Variants in CYRIB observed in about 807,000 individuals in gnomAD.
The protein encoded by CYRIB is CYFIP-related Rac1 interactor B.
Under a neutral mutation model 44.2 loss-of-function variants are expected in CYRIB, and 8 were observed. The observed-to-expected ratio is 0.18, with a 90% CI of 0.11 to 0.33. The LOEUF (loss-of-function observed/expected upper bound fraction) is 0.33. Ranked by LOEUF, CYRIB falls within the 10% of genes least tolerant of loss-of-function variation. The pLI, the probability that CYRIB is intolerant of heterozygous loss-of-function variation, is 1.00. For synonymous variants in CYRIB, 131 were observed against 127.2 expected (o/e 1.03, Z -0.20); for missense variants, 185 against 382.8 (o/e 0.48, Z 4.31).
intron 6 of CYRIB, among the ~76,000 whole-genome samples, chr8:129,855,407 G>A (rs1295985333): frequency 6.7e-6 from 1 of 148,426 alleles, no homozygotes; most frequent in Non-Finnish European, 1.5e-5. Context: ...AAAAAAAAAA[G>A]ATTGAGACCG....
chr8:129,852,116 A>G (rs1389005663), intron 8 of CYRIB, 46 bp downstream of exon 10: 2 of 1,184,044 alleles, frequency 1.7e-6, no homozygotes, highest in Non-Finnish European at 2.3e-6. Context: ...GTCTGCCAAC[A>G]GGGGCATAAA....
intron 1 of CYRIB, among the ~76,000 whole-genome samples, chr8:130,000,771 C>T (rs2096889897): frequency 6.6e-6 from 1 of 152,136 alleles, no homozygotes; most frequent in Admixed American, 6.5e-5. Context: ...AGTCCCAGCC[C>T]TTTGGGAGGC....
chr8:129,862,728 T>C (rs2050543621), intron 4 of CYRIB, among the ~76,000 whole-genome samples: 1 of 152,188 alleles, frequency 6.6e-6, no homozygotes, highest in Non-Finnish European at 1.5e-5. Context: ...CACCTTGGCC[T>C]CCCAAAGTGC....
At position 129,913,332 on chromosome 8, in the gene CYRIB, C is replaced by T. The variant is rs906804803; in HGVS notation, c.-49-9982G>A. ...CTCTTGAGATAAACCTTGTCTTTCC[C>T]CACAGTGTTGTAATTACAGTAAAAG... On this transcript the variant is annotated intron_variant, in intron 1 of 11. Coordinates refer to ENST00000519824, the Ensembl canonical transcript of CYRIB. 2.0e-5 allele frequency among the ~76,000 whole-genome samples: 3 copies of T among 152,160 alleles called. No individual in the cohort carries two copies. In the East Asian group the frequency reaches 5.8e-4, roughly 29 times the overall value.
At chr8:129,889,491 T>C (rs1275840173) in intron 2 of CYRIB, among the ~76,000 whole-genome samples, 2 of 152,288 alleles carry the variant, frequency 1.3e-5, no homozygotes, top group African/African-American at 2.4e-5. Flanking sequence ...AGAAAGTAAA[T>C]TGAAAGCCTT....
intron 1 of CYRIB, among the ~76,000 whole-genome samples, chr8:129,925,289 T>C (rs1162964942): frequency 6.6e-6 from 1 of 152,072 alleles, no homozygotes; most frequent in Admixed American, 6.6e-5. Context: ...TCTCAGCCAC[T>C]CAGGAGGCTG....
intron 2 of CYRIB, among the ~76,000 whole-genome samples, chr8:129,889,054 T>A (rs138130177): frequency 2.2e-3 from 338 of 152,176 alleles, no homozygotes; most frequent in African/African-American, 7.8e-3. Context: ...ATCGCACCAC[T>A]GCACTCCATG....
chr8:129,873,135 A>C (rs2057939540), intron 3 of CYRIB, among the ~76,000 whole-genome samples: 1 of 151,994 alleles, frequency 6.6e-6, no homozygotes, highest in Non-Finnish European at 1.5e-5. Flanking sequence ...ATGTAAAGTC[A>C]ACTTAAGAAT....
chr8:129,984,766 T>G (rs865774355), intron 1 of CYRIB, among the ~76,000 whole-genome samples: 9 of 151,084 alleles, frequency 6.0e-5, no homozygotes, highest in Middle Eastern at 3.4e-3. Context: ...GTGGTGGGGG[T>G]TTTTTTTGTT....
At chr8:129,992,002 G>A (rs145111292) in intron 1 of CYRIB, among the ~76,000 whole-genome samples, 1 of 130,064 alleles carries the variant, frequency 7.7e-6, no homozygotes, top group Non-Finnish European at 1.6e-5. Context: ...GTTTTAAGCA[G>A]AGGTGTGGTA....
At chr8:129,878,142 C>T (rs2059777421) in intron 3 of CYRIB, among the ~76,000 whole-genome samples, 1 of 152,150 alleles carries the variant, frequency 6.6e-6, no homozygotes, top group South Asian at 2.1e-4. Context: ...CCCCTAAAAA[C>T]CCAATTTCCC....
intron 1 of CYRIB, among the ~76,000 whole-genome samples, chr8:129,993,012 G>A (rs2096674567): frequency 6.6e-6 from 1 of 152,164 alleles, no homozygotes; most frequent in African/African-American, 2.4e-5. Context: ...CAAAGGTGGG[G>A]CCTACTGTGG....
rs536400743 is a variant in CYRIB at position 129,933,230 on chromosome 8, C to G, written c.-50+6378G>C. ...TACCAGCACCAAGTTGCTCTCTCCC[C>G]CTCCACACTCCCTGATCCCTCTCTG... On this transcript the variant is annotated intron_variant, in intron 1 of 11. Coordinates refer to ENST00000519824, the Ensembl canonical transcript of CYRIB. Among the ~76,000 whole-genome samples the G allele has an allele frequency of 4.6e-5, 7 of 152,252 alleles. No individual in the cohort carries two copies. The East Asian group carries it at 1.2e-3, about 25-fold the overall frequency.
Position 129,947,183 on chromosome 8 carries a change from A to G in CYRIB, c.-243+23760T>C, listed in dbSNP as rs538502420. On this transcript the variant is annotated intron_variant, in intron 2 of 14. Coordinates refer to the CYRIB transcript ENST00000401979. ...AATGATTCTCCTGCCTCAGCCTCCC[A>G]AGTGGCTGGGACTACAGGCACATGC... Among the ~76,000 whole-genome samples, 70 of 152,022 alleles carry G rather than the reference A, an allele frequency of 4.6e-4. No homozygotes were observed. In the South Asian group the frequency reaches 0.01, roughly 22 times the overall value.
chr8:129,848,443 T>C (rs1426506116), intron 10 of CYRIB, among the ~76,000 whole-genome samples: 67 of 152,230 alleles, frequency 4.4e-4, no homozygotes, highest in Non-Finnish European at 5.9e-5. Flanking sequence ...ATTAGAAAAC[T>C]ATTTCTAATA....
upstream of CYRIB, among the ~76,000 whole-genome samples, chr8:129,943,097 C>CCG (rs2093851524): frequency 5.5e-5 from 8 of 145,368 alleles, no homozygotes; most frequent in South Asian, 1.6e-3. Context: ...CCCGCCCCCC[C>CCG]GCACTGTGTC....
At chr8:129,996,555 G>A (rs778809150) in intron 1 of CYRIB, among the ~76,000 whole-genome samples, 2 of 152,148 alleles carry the variant, frequency 1.3e-5, no homozygotes, top group Admixed American at 6.5e-5. Context: ...GTAAGAATCT[G>A]GCATTATCAT....
intron 2 of CYRIB, among the ~76,000 whole-genome samples, chr8:129,963,326 G>A (rs1313859366): frequency 6.6e-6 from 1 of 152,222 alleles, no homozygotes; most frequent in African/African-American, 2.4e-5. Context: ...TCTGTTTCAA[G>A]GTCGACAGAA....
rs563383967 is a variant in CYRIB at position 129,897,812 on chromosome 8, C to T, written c.-11+5500G>A. ...CAGAGTTTCACTCTTGTCACCCAGG[C>T]TGGAGTGCAGTGGAGCAATCTTGGC... is the stretch of plus-strand genomic sequence containing the variant. On this transcript the variant is annotated intron_variant, in intron 2 of 11. Transcript: ENST00000519824. Among the ~76,000 whole-genome samples the T allele has an allele frequency of 5.9e-5, 9 of 152,162 alleles. No individual in the cohort carries two copies. In the South Asian group the frequency reaches 1.9e-3, roughly 32 times the overall value.
Sources: gnomAD v4.1 joint callset for allele counts (sites outside exome capture counted in the v4.1 genomes callset) on GRCh38, gnomAD v4.1.1 for gene constraint, MANE v1.5 for transcripts, NCBI Gene and HGNC (gene_info 2026-07-23, HGNC 2026-07-21) for gene names.